The following KCNIP4 variants were observed in gnomAD, a reference collection of about 807,000 sequenced individuals.
KCNIP4 encodes the protein Kv channel-interacting protein 4.
KCNIP4 carries 12 observed loss-of-function variants against 34.0 expected under a neutral mutation model. The ratio of observed to expected loss-of-function variants is 0.35; its 90% CI spans 0.23 to 0.57. The LOEUF (loss-of-function observed/expected upper bound fraction) is 0.57, where lower values mean the gene tolerates loss of function less well. Ranked by LOEUF, KCNIP4 falls within the 20% of genes least tolerant of loss-of-function variation. The pLI is 0.83. For missense variants in KCNIP4, 238 were observed against 311.7 expected, an observed-to-expected ratio of 0.76 and a Z score of 1.78; for synonymous variants, 124 against 102.2, an observed-to-expected ratio of 1.21 and a Z score of -1.29.
intron 1 of KCNIP4, among the ~76,000 whole-genome samples, chr4:21,902,567 A>C (rs1459507317): frequency 1.3e-5 from 2 of 152,120 alleles, no homozygotes; most frequent in Non-Finnish European, 2.9e-5. Context: ...TAGATATTAT[A>C]GAGTGAAAGG....
intron 1 of KCNIP4, among the ~76,000 whole-genome samples, chr4:21,716,486 C>T (rs574061026): frequency 6.6e-6 from 1 of 152,194 alleles, no homozygotes; most frequent in East Asian, 1.9e-4. Flanking sequence ...AATCGCCCAC[C>T]TTGACCTCCC....
chr4:20,751,766 C>G (rs1202509392), intron 4 of KCNIP4, among the ~76,000 whole-genome samples: 2 of 152,044 alleles, frequency 1.3e-5, no homozygotes, highest in Admixed American at 1.3e-4. Context: ...TAGCTTAAAG[C>G]TTGATATGTG....
intron 3 of KCNIP4, among the ~76,000 whole-genome samples, chr4:20,764,198 T>G (rs1447926338): frequency 6.6e-6 from 1 of 152,088 alleles, no homozygotes; most frequent in Non-Finnish European, 1.5e-5. Context: ...AGAAAAAAAT[T>G]AAAGAAAATG....
intron 1 of KCNIP4, among the ~76,000 whole-genome samples, chr4:21,166,104 T>C (rs1476211967): frequency 6.6e-6 from 1 of 152,170 alleles, no homozygotes; most frequent in Non-Finnish European, 1.5e-5. Context: ...ATTTATGCTA[T>C]TTATAAATTA....
At chr4:20,796,400 T>A (rs887942423) in intron 3 of KCNIP4, among the ~76,000 whole-genome samples, 3 of 152,052 alleles carry the variant, frequency 2.0e-5, no homozygotes, top group Non-Finnish European at 1.5e-5. Flanking sequence ...TAACCACGTT[T>A]TGGGTAATAA....
intron 1 of KCNIP4, among the ~76,000 whole-genome samples, chr4:21,390,563 C>T (rs1181344746): frequency 6.6e-6 from 1 of 152,130 alleles, no homozygotes; most frequent in South Asian, 2.1e-4. Flanking sequence ...ATAGGGAATC[C>T]TTTCCCCATT....
chr4:21,300,051 CAT>C (rs537340811), intron 1 of KCNIP4, among the ~76,000 whole-genome samples: 15 of 151,952 alleles, frequency 9.9e-5, no homozygotes, highest in Non-Finnish European at 2.2e-4. Context: ...TTTTTCAAGT[CAT>C]GTGTGATAAT....
At chr4:21,592,392 G>A (rs1742289791) in intron 1 of KCNIP4, among the ~76,000 whole-genome samples, 1 of 152,020 alleles carries the variant, frequency 6.6e-6, no homozygotes. Flanking sequence ...TTCCATCATA[G>A]AAAGTATTGA....
At chr4:21,056,519 G>A (rs1310206211) in intron 1 of KCNIP4, among the ~76,000 whole-genome samples, 4 of 152,080 alleles carry the variant, frequency 2.6e-5, no homozygotes, top group African/African-American at 9.7e-5. Flanking sequence ...TCATGTGTCT[G>A]TCTCATTTCC....
intron 1 of KCNIP4, among the ~76,000 whole-genome samples, chr4:20,969,124 T>C (rs763817178): frequency 6.6e-6 from 1 of 152,162 alleles, no homozygotes; most frequent in Non-Finnish European, 1.5e-5. Context: ...CAAAAGTATG[T>C]TATTTTTTCT....
At chr4:21,284,822 C>T (rs997908692) in intron 1 of KCNIP4, among the ~76,000 whole-genome samples, 3 of 151,590 alleles carry the variant, frequency 2.0e-5, no homozygotes, top group African/African-American at 7.3e-5. Context: ...AAAATGTAAC[C>T]GACGTGAGCA....
chr4:21,774,482 TG>T (rs71655658), intron 1 of KCNIP4, among the ~76,000 whole-genome samples: 13,939 of 152,206 alleles, frequency 0.092, 674 homozygotes, highest in Middle Eastern at 0.18. Flanking sequence ...CATGTTGGTC[TG>T]TCTTGCTAGG....
At chr4:21,391,191 TAGTC>T (rs1394204696) in intron 1 of KCNIP4, among the ~76,000 whole-genome samples, 11 of 152,202 alleles carry the variant, frequency 7.2e-5, no homozygotes, top group African/African-American at 1.2e-4. Context: ...TTTCTATACT[TAGTC>T]AGTACTTAAA....
At chr4:20,894,102 A>G (rs556903253) in intron 1 of KCNIP4, among the ~76,000 whole-genome samples, 3 of 152,152 alleles carry the variant, frequency 2.0e-5, no homozygotes, top group African/African-American at 7.2e-5. Context: ...GCTGGTCTTA[A>G]ACTCCTGACC....
chr4:21,893,401 A>T (rs1405586016), intron 1 of KCNIP4, among the ~76,000 whole-genome samples: 1 of 152,178 alleles, frequency 6.6e-6, no homozygotes, highest in Non-Finnish European at 1.5e-5. Flanking sequence ...TTTTAATAGT[A>T]TGTTGTTCCA....
intron 1 of KCNIP4, among the ~76,000 whole-genome samples, chr4:21,536,060 C>A (rs1203306447): frequency 6.6e-6 from 1 of 152,096 alleles, no homozygotes; most frequent in African/African-American, 2.4e-5. Flanking sequence ...CCTGGAGACT[C>A]TCACCCAAAC....
Position 21,393,664 on chromosome 4 carries a change from G to A in KCNIP4, c.62-510955C>T, listed in dbSNP as rs372050792. ...TGAAAATTTCAAGTTATTTAGAAAT[G>A]AATTTTTTTCAATCAAAATTTTGTT... On this transcript the variant is annotated intron_variant, in intron 1 of 8. Coordinates refer to ENST00000382152, the MANE Select transcript of KCNIP4 (RefSeq NM_025221.6). Among the ~76,000 whole-genome samples, 83 of 152,190 alleles carry A rather than the reference G, an allele frequency of 5.5e-4. 1 individual carries two copies. In the South Asian group the frequency reaches 1.0e-2, roughly 18 times the overall value.
chr4:21,384,389 G>C (rs945826655), intron 1 of KCNIP4, among the ~76,000 whole-genome samples: 4 of 152,144 alleles, frequency 2.6e-5, no homozygotes, highest in Non-Finnish European at 5.9e-5. Context: ...TATTAAATAA[G>C]TATGTGTTGA....
At chr4:21,247,765 C>CAA (rs1760363522) in intron 1 of KCNIP4, among the ~76,000 whole-genome samples, 10 of 54,528 alleles carry the variant, frequency 1.8e-4, no homozygotes, top group African/African-American at 3.3e-4. Context: ...TATATACACC[C>CAA]CACAGGTGTT....
Sources: allele counts gnomAD v4.1 joint callset (sites outside exome capture counted in the v4.1 genomes callset), GRCh38; gene constraint gnomAD v4.1.1; transcripts MANE v1.5; gene names NCBI Gene and HGNC (gene_info 2026-07-23, HGNC 2026-07-21).